Variants in ADGRB1 observed in about 807,000 individuals in gnomAD.
The protein encoded by ADGRB1 is brain-specific angiogenesis inhibitor 1.
In ADGRB1, 36 loss-of-function variants were observed where a neutral mutation model predicts 175.7. The observed-to-expected ratio is 0.20, with a 90% CI of 0.16 to 0.27. ADGRB1 has a LOEUF of 0.27. Among genes scored for constraint, ADGRB1 ranks in the 10% least tolerant of loss-of-function variants. The probability of loss-of-function intolerance (pLI) is 1.00; values close to 1 mark genes in which losing one functional copy is unlikely to be tolerated. For synonymous variants in ADGRB1, 1,054 were observed against 979.4 expected, an observed-to-expected ratio of 1.08 and a Z score of -1.42; for missense variants, 1,731 against 2,255.3, an observed-to-expected ratio of 0.77 and a Z score of 4.71.
chr8:142,533,539 C>T (rs1012033478), intron 25 of ADGRB1, 73 bp downstream of exon 25: 10 of 1,468,122 alleles, frequency 6.8e-6, no homozygotes, highest in African/African-American at 2.8e-5. Context: ...CCTCCTTCCC[C>T]GAGGACCTCG....
intron 23 of ADGRB1, 109 bp from the exon 24 acceptor site, chr8:142,526,433 G>A: frequency 2.0e-6 from 2 of 994,466 alleles, no homozygotes; most frequent in Middle Eastern, 2.9e-4. Flanking sequence ...GTGACCCTGG[G>A]TGGGGTAGGG....
At chr8:142,460,382 T>G (rs996186654) in intron 1 of ADGRB1, among the ~76,000 whole-genome samples, 1 of 152,206 alleles carries the variant, frequency 6.6e-6, no homozygotes, top group Non-Finnish European at 1.5e-5. Flanking sequence ...AAAGGCAGGT[T>G]TGGGCCAGTT....
At chr8:142,494,664 G>A (rs1227898296) in intron 17 of ADGRB1, among the ~76,000 whole-genome samples, 1 of 151,586 alleles carries the variant, frequency 6.6e-6, no homozygotes, top group Non-Finnish European at 1.5e-5. Flanking sequence ...TAAACCCTGA[G>A]CCCTAAGAGC....
chr8:142,478,370 G>A lies in ADGRB1; in HGVS notation c.1561+10G>A, dbSNP rs1255019524. On this transcript the variant is annotated intron_variant, in intron 7 of 30. Transcript: ENST00000517894. ...CTGCAGCAGTGCCCAGGTCAGGGGTGCGCCAGGCTGGGGTCGGGGGGCACC... is the reference window on the plus strand; with the variant it reads ...CTGCAGCAGTGCCCAGGTCAGGGGTACGCCAGGCTGGGGTCGGGGGGCACC... The A allele has an allele frequency of 2.5e-6, 4 of 1,587,984 alleles. No homozygotes were observed. Among genetic ancestry groups the A allele is most frequent in the Non-Finnish European group, 3.4e-6 (4 of 1,165,904 alleles).
At chr8:142,467,846 G>C (rs1283450718) in intron 2 of ADGRB1, among the ~76,000 whole-genome samples, 4 of 152,246 alleles carry the variant, frequency 2.6e-5, no homozygotes, top group Non-Finnish European at 5.9e-5. Flanking sequence ...TGATGAATGA[G>C]AACTGGGGTG....
intron 17 of ADGRB1, among the ~76,000 whole-genome samples, chr8:142,491,118 A>G (rs1407979561): frequency 6.6e-6 from 1 of 152,152 alleles, no homozygotes; most frequent in Non-Finnish European, 1.5e-5. Context: ...CCCCAGCCCC[A>G]TGCCCACAGC....
chr8:142,483,219 C>T (rs1292482632), intron 11 of ADGRB1, among the ~76,000 whole-genome samples: 1 of 130,000 alleles, frequency 7.7e-6, no homozygotes. Flanking sequence ...GAGCCCTGAC[C>T]CTGGTCGCAC....
intron 1 of ADGRB1, among the ~76,000 whole-genome samples, chr8:142,457,711 A>T (rs1414231293): frequency 6.6e-6 from 1 of 152,090 alleles, no homozygotes; most frequent in African/African-American, 2.4e-5. Flanking sequence ...GACAGGTGGC[A>T]TCTGGGGGTC....
Position 142,537,710 on chromosome 8 carries a change from G to A in ADGRB1, c.3666+628G>A, listed in dbSNP as rs765873988. Among the ~76,000 whole-genome samples the A allele has an allele frequency of 5.3e-5, 8 of 152,056 alleles. No homozygotes were observed. The highest frequency in any genetic ancestry group is 1.9e-4 in the East Asian group (1 of 5,172). On this transcript the variant is annotated intron_variant, in intron 26 of 30. Coordinates refer to ENST00000517894, the MANE Select transcript of ADGRB1 (RefSeq NM_001702.3). The surrounding 1 kb of genome is among the most constrained non-coding windows in gnomAD (Gnocchi z 4.6). Reference sequence around the variant, plus strand: ...ACCCCCCGCCCCTGCCTGTGCCTGCGCCTGTCCTCTTTACAGCACAGCGTT... The same window carrying A: ...ACCCCCCGCCCCTGCCTGTGCCTGCACCTGTCCTCTTTACAGCACAGCGTT...
chr8:142,530,801 C>A (rs1844580181), intron 24 of ADGRB1, among the ~76,000 whole-genome samples: 1 of 152,170 alleles, frequency 6.6e-6, no homozygotes, highest in Non-Finnish European at 1.5e-5. Flanking sequence ...TCACTCAGAG[C>A]CTCTCCCCGC....
In ADGRB1 at chr8:142,542,206, C is replaced by T; in HGVS notation, c.3972C>T (p.Asp1324=). The T allele has an allele frequency of 3.7e-6, 6 of 1,613,716 alleles. No individual in the cohort carries two copies. The highest frequency in any genetic ancestry group is 4.2e-6 in the Non-Finnish European group (5 of 1,179,828). The change falls in exon 28 of 31, where the codon GAC becomes GAT. Residue 1324 remains aspartate (D), a synonymous_variant. Coordinates refer to ENST00000517894, the MANE Select transcript of ADGRB1 (RefSeq NM_001702.3). The surrounding 1 kb of genome is among the most constrained non-coding windows in gnomAD (Gnocchi z 6.3). ...APKSSFVGDG[D]IFKKLDSELS... ...AGTCCTCCTTCGTCGGTGACGGGGA[C>T]ATCTTCAAGAAGCTGGACTCGGAGC...
At chr8:142,512,405 T>C (rs1843155531) in intron 18 of ADGRB1, among the ~76,000 whole-genome samples, 2 of 152,216 alleles carry the variant, frequency 1.3e-5, no homozygotes, top group African/African-American at 2.4e-5. Context: ...GCAGCCTTTC[T>C]GGGCCCCTTC....
intron 18 of ADGRB1, among the ~76,000 whole-genome samples, chr8:142,512,982 G>A (rs748662623): frequency 8.6e-5 from 13 of 152,036 alleles, no homozygotes; most frequent in African/African-American, 1.2e-4. Context: ...GGGCGGGGGT[G>A]GAGGCAGCCA....
At chr8:142,539,735 C>G (rs1042087430) in intron 27 of ADGRB1, 4 of 509,064 alleles carry the variant, frequency 7.9e-6, no homozygotes, top group Non-Finnish European at 1.4e-5. Context: ...GACATCTCTT[C>G]CTCTGTCGTG....
At chr8:142,460,999 C>A (rs897771638) in intron 1 of ADGRB1, among the ~76,000 whole-genome samples, 2 of 152,230 alleles carry the variant, frequency 1.3e-5, no homozygotes, top group African/African-American at 4.8e-5. Flanking sequence ...TAAGAGGGTT[C>A]AAGGCGTGGA....
At chr8:142,525,533 G>A (rs1231798935) in intron 23 of ADGRB1, among the ~76,000 whole-genome samples, 3 of 152,164 alleles carry the variant, frequency 2.0e-5, no homozygotes, top group East Asian at 1.9e-4. Context: ...CTCTGCTCCG[G>A]CCACATCAGA....
intron 13 of ADGRB1, 21 bp from the exon 14 acceptor site, chr8:142,488,343 C>T (rs762928701): frequency 2.7e-5 from 44 of 1,612,220 alleles, no homozygotes; most frequent in South Asian, 2.3e-4. Flanking sequence ...CTGTCTCTCC[C>T]GCCTTTGACC....
At chr8:142,503,109 G>T (rs1383352823) in intron 17 of ADGRB1, among the ~76,000 whole-genome samples, 1 of 151,956 alleles carries the variant, frequency 6.6e-6, no homozygotes, top group Non-Finnish European at 1.5e-5. Context: ...AGTGGTGGTG[G>T]TGGTAGGCCC....
At chr8:142,469,088 G>A (rs1840438223) in intron 2 of ADGRB1, among the ~76,000 whole-genome samples, 1 of 152,268 alleles carries the variant, frequency 6.6e-6, no homozygotes. Flanking sequence ...CCATCGAGTG[G>A]TAACACTAGG....
Sources: allele counts gnomAD v4.1 joint callset (sites outside exome capture counted in the v4.1 genomes callset), GRCh38; gene constraint gnomAD v4.1.1; non-coding constraint Gnocchi (gnomAD v3.1); transcripts MANE v1.5; gene names NCBI Gene and HGNC (gene_info 2026-07-23, HGNC 2026-07-21).